The following IL1RAPL2 variants were observed in gnomAD, a reference collection of about 807,000 sequenced individuals.
IL1RAPL2 encodes interleukin 1 receptor accessory protein like 2.
Under a neutral mutation model 44.1 loss-of-function variants are expected in IL1RAPL2, and 3 were observed. The ratio of observed to expected loss-of-function variants is 0.07; its 90% CI spans 0.03 to 0.18. IL1RAPL2 has a LOEUF of 0.18. IL1RAPL2 is among the 10% of genes least tolerant of loss of function. IL1RAPL2 has a pLI of 1.00. For synonymous variants in IL1RAPL2, 181 were observed against 178.8 expected (o/e 1.01, Z -0.10); for missense variants, 391 against 496.4 (o/e 0.79, Z 2.02).
chrX:105,643,340 C>A (rs965195282), intron 6 of IL1RAPL2, among the ~76,000 whole-genome samples: 2 of 111,605 alleles, frequency 1.8e-5, no homozygotes, highest in African/African-American at 6.5e-5. Flanking sequence ...GAGTTTAGAA[C>A]CATTTGGATC....
intron 6 of IL1RAPL2, among the ~76,000 whole-genome samples, chrX:105,662,527 A>G (rs1405142689): frequency 9.0e-6 from 1 of 110,629 alleles, no homozygotes; most frequent in African/African-American, 3.3e-5. Context: ...ATTATTTGAA[A>G]CTCCTCCCCT....
intron 1 of IL1RAPL2, among the ~76,000 whole-genome samples, chrX:104,636,621 TG>T (rs1434753472): frequency 1.8e-5 from 2 of 112,084 alleles, no homozygotes; most frequent in African/African-American, 6.5e-5. Flanking sequence ...TGAGGCTTCG[TG>T]GGCGTAGGAC....
intron 7 of IL1RAPL2, among the ~76,000 whole-genome samples, chrX:105,730,991 G>A (rs1416316906): frequency 1.8e-5 from 2 of 110,456 alleles, no homozygotes; most frequent in Non-Finnish European, 3.8e-5. Context: ...GCAAGAACAA[G>A]CCAAACCCCA....
intron 2 of IL1RAPL2, among the ~76,000 whole-genome samples, chrX:105,105,064 G>A (rs1173329558): frequency 9.0e-6 from 1 of 111,725 alleles, no homozygotes; most frequent in African/African-American, 3.3e-5. Context: ...TTACTTGTTA[G>A]GCAATTGAAT....
At chrX:105,018,345 T>TCGCTCAGTATGCCTTCCTC (rs2031222968) in intron 2 of IL1RAPL2, among the ~76,000 whole-genome samples, 1 of 111,307 alleles carries the variant, frequency 9.0e-6, no homozygotes, top group Non-Finnish European at 1.9e-5. Flanking sequence ...GTGCATTCCT[T>TCGCTCAGTATGCCTTCCTC]CGCTCAGTAT....
chrX:104,920,618 C>G (rs1924609239), intron 2 of IL1RAPL2, among the ~76,000 whole-genome samples: 2 of 105,563 alleles, frequency 1.9e-5, no homozygotes, highest in South Asian at 9.3e-4. Flanking sequence ...CAAAGGCCTC[C>G]CTAGATGCCT....
chrX:105,660,822 G>A (rs2037714480), intron 6 of IL1RAPL2, among the ~76,000 whole-genome samples: 1 of 110,769 alleles, frequency 9.0e-6, no homozygotes, highest in South Asian at 3.8e-4. Flanking sequence ...CATCACTGAA[G>A]AAAATTGCCT....
intron 5 of IL1RAPL2, among the ~76,000 whole-genome samples, chrX:105,445,292 C>T (rs1013045803): frequency 4.5e-5 from 5 of 111,014 alleles, no homozygotes; most frequent in Non-Finnish European, 9.5e-5. Flanking sequence ...TTAGTTGGGC[C>T]AAAGACTTGT....
At chrX:105,156,830 A>C (rs755331703) in intron 2 of IL1RAPL2, among the ~76,000 whole-genome samples, 7 of 111,580 alleles carry the variant, frequency 6.3e-5, no homozygotes, top group Admixed American at 1.9e-4. Flanking sequence ...ATCTGATCAG[A>C]ATTTCTAGAA....
intron 2 of IL1RAPL2, among the ~76,000 whole-genome samples, chrX:104,922,718 A>G (rs776298742): frequency 4.7e-4 from 53 of 111,881 alleles, no homozygotes; most frequent in Non-Finnish European, 7.5e-4. Flanking sequence ...TACACATGAA[A>G]AGGGACCAGT....
intron 1 of IL1RAPL2, among the ~76,000 whole-genome samples, chrX:104,634,792 A>G (rs868641669): frequency 9.0e-6 from 1 of 111,648 alleles, no homozygotes; most frequent in Non-Finnish European, 1.9e-5. Flanking sequence ...TCTTGACTCT[A>G]TCCAATTTGC....
intron 6 of IL1RAPL2, among the ~76,000 whole-genome samples, chrX:105,551,847 T>G (rs4826926): frequency 0.49 from 53,806 of 110,597 alleles, 10,185 homozygotes; most frequent in East Asian, 0.77. Context: ...GGCTCACGCC[T>G]GTAATCCCAG....
chrX:105,249,602 C>T (rs2034252785), intron 4 of IL1RAPL2, among the ~76,000 whole-genome samples: 1 of 110,909 alleles, frequency 9.0e-6, no homozygotes, highest in South Asian at 3.7e-4. Flanking sequence ...TAACTCATGT[C>T]ATCATAAATA....
At chrX:104,963,436 G>A (rs1206034588) in intron 2 of IL1RAPL2, among the ~76,000 whole-genome samples, 1 of 111,786 alleles carries the variant, frequency 8.9e-6, no homozygotes, top group African/African-American at 3.3e-5. Flanking sequence ...AGTATGTCCT[G>A]CACACATCAG....
intron 5 of IL1RAPL2, among the ~76,000 whole-genome samples, chrX:105,342,690 C>A (rs972594545): frequency 1.8e-5 from 2 of 112,189 alleles, no homozygotes; most frequent in African/African-American, 3.2e-5. Context: ...TCAAAACAGA[C>A]AGGATGTAAA....
At chrX:105,344,029 G>A (rs1015374609) in intron 5 of IL1RAPL2, among the ~76,000 whole-genome samples, 1 of 110,416 alleles carries the variant, frequency 9.1e-6, no homozygotes, top group Admixed American at 9.6e-5. Flanking sequence ...TGAATAGCTG[G>A]GATTACAAGT....
intron 4 of IL1RAPL2, among the ~76,000 whole-genome samples, chrX:105,253,295 A>G (rs59201438): frequency 0.02 from 2,207 of 110,644 alleles, 60 homozygotes; most frequent in African/African-American, 0.07. Flanking sequence ...TATTGACATT[A>G]TATTCAAACT....
At chrX:105,729,872 G>A (rs868299994) in intron 7 of IL1RAPL2, among the ~76,000 whole-genome samples, 1 of 69,443 alleles carries the variant, frequency 1.4e-5, no homozygotes, top group East Asian at 5.1e-4. Flanking sequence ...AAGGAAGGAA[G>A]GAAAGAAGGA....
At chrX:104,964,343 G>A (rs1368898161) in intron 2 of IL1RAPL2, among the ~76,000 whole-genome samples, 3 of 107,672 alleles carry the variant, frequency 2.8e-5, no homozygotes, top group African/African-American at 1.0e-4. Flanking sequence ...ATGGAGTCTC[G>A]CTCTATTGCT....
Sources: gnomAD v4.1 joint callset for allele counts (sites outside exome capture counted in the v4.1 genomes callset) on GRCh38, gnomAD v4.1.1 for gene constraint, MANE v1.5 for transcripts, NCBI Gene and HGNC (gene_info 2026-07-23, HGNC 2026-07-21) for gene names.